Variants in NPAS3 observed in about 807,000 individuals in gnomAD.
The protein encoded by NPAS3 is neuronal PAS domain-containing protein 3.
NPAS3 carries 14 observed loss-of-function variants against 73.1 expected under a neutral mutation model. That is an observed-to-expected ratio of 0.19 (90% confidence interval 0.13 to 0.30). NPAS3 has a LOEUF of 0.30. Among genes scored for constraint, NPAS3 ranks in the 10% least tolerant of loss-of-function variants. The pLI is 1.00. For synonymous variants in NPAS3, 620 were observed against 541.5 expected (o/e 1.14, Z -2.01); for missense variants, 1,096 against 1,250.0 (o/e 0.88, Z 1.86).
intron 3 of NPAS3, among the ~76,000 whole-genome samples, chr14:33,294,817 G>C (rs1307286172): frequency 6.6e-6 from 1 of 152,184 alleles, no homozygotes; most frequent in Non-Finnish European, 1.5e-5. Flanking sequence ...TGGAAAGTGA[G>C]GGAGAGAGCT....
intron 3 of NPAS3, among the ~76,000 whole-genome samples, chr14:33,247,959 G>A (rs1227634758): frequency 3.9e-5 from 6 of 152,268 alleles, no homozygotes; most frequent in South Asian, 4.1e-4. Context: ...TGTTTAAAAA[G>A]TGAATTCTAT....
intron 3 of NPAS3, among the ~76,000 whole-genome samples, chr14:33,326,845 A>G (rs2043731807): frequency 6.6e-6 from 1 of 152,220 alleles, no homozygotes; most frequent in Admixed American, 6.5e-5. Context: ...AAATGTCGGT[A>G]GCAGGTATAC....
intron 2 of NPAS3, among the ~76,000 whole-genome samples, chr14:33,207,227 A>G (rs2046853921): frequency 6.7e-6 from 1 of 148,326 alleles, no homozygotes; most frequent in Admixed American, 6.8e-5. Context: ...CTCAGCTCAA[A>G]GAACATTACA....
intron 4 of NPAS3, among the ~76,000 whole-genome samples, chr14:33,497,368 C>CA (rs1259888213): frequency 2.0e-5 from 3 of 151,716 alleles, no homozygotes. Flanking sequence ...CATATGGAGC[C>CA]AAAAAAGGGC....
intron 3 of NPAS3, among the ~76,000 whole-genome samples, chr14:33,284,770 ATCTATC>A (rs746231605): frequency 4.9e-4 from 8 of 16,260 alleles, no homozygotes; most frequent in South Asian, 4.4e-3. Flanking sequence ...ATCTATATCT[ATCTATC>A]TATCTATCTA....
chr14:33,769,769 T>C (rs989839396), intron 7 of NPAS3, among the ~76,000 whole-genome samples: 6 of 135,556 alleles, frequency 4.4e-5, no homozygotes, highest in Admixed American at 1.5e-4. Context: ...TTTTTTTTTT[T>C]TTTTTTTTTT....
intron 4 of NPAS3, among the ~76,000 whole-genome samples, chr14:33,402,454 G>C (rs2047488091): frequency 6.6e-6 from 1 of 151,998 alleles, no homozygotes; most frequent in African/African-American, 2.4e-5. Flanking sequence ...TGAATTGAAT[G>C]GTGTGAGGGA....
chr14:33,427,830 A>T (rs60760303), intron 4 of NPAS3, among the ~76,000 whole-genome samples: 271 of 152,130 alleles, frequency 1.8e-3, no homozygotes, highest in Non-Finnish European at 3.1e-3. Context: ...ATATTCTTAT[A>T]TAAATTCTCA....
rs531886786 is a variant in NPAS3, at chr14:33,374,414, A to G, written c.468+7146A>G. On this transcript the variant is annotated intron_variant, in intron 4 of 11. Coordinates refer to ENST00000356141, the Ensembl canonical transcript of NPAS3. ...TCCTAGAATCATGATTAGTTGGTCC[A>G]TATAGTCTTTTGGTCCTGCAGAGTT... is the stretch of plus-strand genomic sequence containing the variant. Among the ~76,000 whole-genome samples the G allele has an allele frequency of 6.6e-5, 10 of 152,280 alleles. No homozygotes were observed. The South Asian group carries it at 2.1e-3, about 32-fold the overall frequency.
intron 3 of NPAS3, among the ~76,000 whole-genome samples, chr14:33,219,857 AG>A (rs1427160724): frequency 6.6e-6 from 1 of 152,184 alleles, no homozygotes; most frequent in Non-Finnish European, 1.5e-5. Flanking sequence ...TTCAATAGAA[AG>A]GTAGAGACTC....
chr14:32,992,071 A>G (rs924883324), intron 1 of NPAS3, among the ~76,000 whole-genome samples: 4 of 152,208 alleles, frequency 2.6e-5, no homozygotes, highest in Non-Finnish European at 5.9e-5. Flanking sequence ...GTGAGCCTGG[A>G]GTCAGAATGG....
intron 9 of NPAS3, among the ~76,000 whole-genome samples, chr14:33,782,233 T>C (rs1046775355): frequency 1.3e-5 from 2 of 152,230 alleles, no homozygotes; most frequent in Non-Finnish European, 2.9e-5. Flanking sequence ...TCTTCACCTC[T>C]TCCTCCCTCC....
intron 6 of NPAS3, chr14:33,680,684 G>A (rs752055371): frequency 4.3e-6 from 3 of 701,434 alleles, no homozygotes; most frequent in Non-Finnish European, 7.8e-6. Flanking sequence ...CTACTTCAGA[G>A]AGAACTCAGC....
chr14:33,631,505 A>G (rs923683140), intron 5 of NPAS3, among the ~76,000 whole-genome samples: 10 of 152,184 alleles, frequency 6.6e-5, no homozygotes, highest in African/African-American at 2.4e-4. Flanking sequence ...AGAAATATTG[A>G]CAGGTCAAGT....
chr14:33,195,652 A>G (rs899285960), intron 2 of NPAS3, among the ~76,000 whole-genome samples: 15 of 152,242 alleles, frequency 9.9e-5, no homozygotes, highest in Admixed American at 9.2e-4. Context: ...CACAGCTGAT[A>G]TTTGTTATTA....
At chr14:33,419,417 G>A (rs1171453218) in intron 4 of NPAS3, among the ~76,000 whole-genome samples, 5 of 151,792 alleles carry the variant, frequency 3.3e-5, no homozygotes, top group African/African-American at 1.2e-4. Flanking sequence ...CATAAAAACT[G>A]TGATTGTTGT....
rs1483095802 is a variant in NPAS3 at position 33,636,099 on chromosome 14, T to C, written c.559-40112T>C. On this transcript the variant is annotated intron_variant, in intron 5 of 11. Transcript: ENST00000356141. ...CCACGCCTGGCTAATTTTGTATTTT[T>C]AGTAAAGACAGGGTTTCTCCACGTT... Among the ~76,000 whole-genome samples the C allele has an allele frequency of 3.3e-5, 5 of 152,354 alleles. No individual in the cohort carries two copies. In the South Asian group the frequency reaches 6.2e-4, roughly 19 times the overall value.
chr14:33,556,567 C>T (rs953847595), intron 4 of NPAS3, among the ~76,000 whole-genome samples: 13 of 152,200 alleles, frequency 8.5e-5, no homozygotes, highest in Non-Finnish European at 1.0e-4. Context: ...ATAAATAAGG[C>T]ATTGCCTCAC....
At chr14:33,338,539 C>T (rs1225753091) in intron 3 of NPAS3, among the ~76,000 whole-genome samples, 3 of 152,126 alleles carry the variant, frequency 2.0e-5, no homozygotes, top group African/African-American at 7.2e-5. Flanking sequence ...GCATATTGGC[C>T]TGAAAGTCAG....
Sources: allele counts gnomAD v4.1 joint callset (sites outside exome capture counted in the v4.1 genomes callset), GRCh38; gene constraint gnomAD v4.1.1; transcripts MANE v1.5; gene names NCBI Gene and HGNC (gene_info 2026-07-23, HGNC 2026-07-21).